The following ATP8A2 variants were observed in gnomAD, a reference collection of about 807,000 sequenced individuals.
The protein encoded by ATP8A2 is phospholipid-transporting ATPase IB.
ATP8A2 carries 100 observed loss-of-function variants against 165.6 expected under a neutral mutation model. The ratio of observed to expected loss-of-function variants is 0.60; its 90% CI spans 0.51 to 0.71. The LOEUF is 0.71. ATP8A2 is among the 30% of genes least tolerant of loss of function. ATP8A2 has a pLI of 0.00. For missense variants in ATP8A2, 1,227 were observed against 1,479.5 expected, an observed-to-expected ratio of 0.83 and a Z score of 2.80; for synonymous variants, 543 against 548.8, an observed-to-expected ratio of 0.99 and a Z score of 0.15.
chr13:25,732,823 G>A (rs904573813), intron 25 of ATP8A2, among the ~76,000 whole-genome samples: 3 of 152,020 alleles, frequency 2.0e-5, no homozygotes, highest in African/African-American at 2.4e-5. Flanking sequence ...CTGTATTATT[G>A]CTTTTTTTTT....
At chr13:25,740,035 C>T (rs541125600) in intron 25 of ATP8A2, among the ~76,000 whole-genome samples, 15 of 151,964 alleles carry the variant, frequency 9.9e-5, no homozygotes, top group Non-Finnish European at 2.1e-4. Flanking sequence ...GAGGGCTGGG[C>T]GCAGTGGCTC....
chr13:25,662,205 T>A (rs886637912), intron 24 of ATP8A2, among the ~76,000 whole-genome samples: 1 of 152,188 alleles, frequency 6.6e-6, no homozygotes, highest in Non-Finnish European at 1.5e-5. Flanking sequence ...ACATAGCATA[T>A]TGTAAGCGCT....
chr13:25,505,876 C>G (rs17082385), intron 2 of ATP8A2, among the ~76,000 whole-genome samples: 8,864 of 152,238 alleles, frequency 0.058, 324 homozygotes, highest in South Asian at 0.13. Flanking sequence ...GGCATTCTTT[C>G]TTGCTCTAGA....
intron 7 of ATP8A2, among the ~76,000 whole-genome samples, chr13:25,538,853 T>G (rs2038372473): frequency 6.6e-6 from 1 of 152,172 alleles, no homozygotes; most frequent in African/African-American, 2.4e-5. Flanking sequence ...ATTTTAAGCC[T>G]AAGCATTAAT....
intron 24 of ATP8A2, among the ~76,000 whole-genome samples, chr13:25,696,138 T>C (rs968209050): frequency 6.6e-6 from 1 of 152,212 alleles, no homozygotes; most frequent in Admixed American, 6.5e-5. Flanking sequence ...CAGTGCATTG[T>C]TAGTGAGCAG....
intron 25 of ATP8A2, among the ~76,000 whole-genome samples, chr13:25,767,465 C>T (rs1214974627): frequency 2.0e-5 from 3 of 152,136 alleles, no homozygotes; most frequent in African/African-American, 4.8e-5. Flanking sequence ...GTTGAAGAAC[C>T]TGAGAATATT....
At chr13:25,659,985 A>G (rs962433120) in intron 24 of ATP8A2, among the ~76,000 whole-genome samples, 1 of 152,224 alleles carries the variant, frequency 6.6e-6, no homozygotes, top group Non-Finnish European at 1.5e-5. Flanking sequence ...TTTTTAATGA[A>G]CTAGAACAAG....
At chr13:25,685,436 A>C (rs554417319) in intron 24 of ATP8A2, among the ~76,000 whole-genome samples, 16 of 152,326 alleles carry the variant, frequency 1.1e-4, no homozygotes, top group African/African-American at 3.8e-4. Context: ...TGGCCCCTGC[A>C]GCTGATTCTC....
chr13:25,825,497 A>G (rs1951291968), intron 27 of ATP8A2, among the ~76,000 whole-genome samples: 1 of 152,006 alleles, frequency 6.6e-6, no homozygotes, highest in Non-Finnish European at 1.5e-5. Context: ...TTTTTAGTTG[A>G]TAACAAGACA....
chr13:25,480,114 C>G (rs1374665006), intron 2 of ATP8A2, among the ~76,000 whole-genome samples: 16 of 148,170 alleles, frequency 1.1e-4, no homozygotes, highest in African/African-American at 4.0e-4. Context: ...GCTGGCCGGG[C>G]GGGGGGCTGA....
At chr13:25,842,002 C>A (rs1951755652) in intron 30 of ATP8A2, among the ~76,000 whole-genome samples, 1 of 152,134 alleles carries the variant, frequency 6.6e-6, no homozygotes, top group Non-Finnish European at 1.5e-5. Flanking sequence ...CACCTCCTAT[C>A]AGGCCACAGC....
chr13:25,539,769 T>C (rs1248734495), intron 7 of ATP8A2, among the ~76,000 whole-genome samples: 1 of 152,236 alleles, frequency 6.6e-6, no homozygotes, highest in Non-Finnish European at 1.5e-5. Flanking sequence ...CTGTTATGCT[T>C]ATTTTTATTT....
At chr13:25,564,053 G>A (rs895671040) in intron 16 of ATP8A2, 22 bp downstream of exon 16, 23 of 1,562,800 alleles carry the variant, frequency 1.5e-5, no homozygotes, top group African/African-American at 1.2e-4. Context: ...GTTTTACTTC[G>A]AAGACAGCAA....
intron 33 of ATP8A2, among the ~76,000 whole-genome samples, chr13:25,892,478 G>GTCTCTGTCTCTCTCTCTCTCTC (rs1555286138): frequency 2.2e-5 from 3 of 136,178 alleles, no homozygotes; most frequent in Admixed American, 7.4e-5. Context: ...CTGTCTCTCT[G>GTCTCTGTCTCTCTCTCTCTCTC]TCTCTCTCTC....
chr13:25,869,085 A>C (rs1295314196), intron 33 of ATP8A2, among the ~76,000 whole-genome samples: 3 of 151,930 alleles, frequency 2.0e-5, no homozygotes, highest in Non-Finnish European at 2.9e-5. Context: ...AAAAAAAAAA[A>C]AAAAAAAACC....
Position 25,519,670 on chromosome 13 carries a change from T to C in ATP8A2, c.222-10329T>C, listed in dbSNP as rs567027964. On this transcript the variant is annotated intron_variant, in intron 2 of 36. Transcript: ENST00000381655. ...GGTCACTTATCTCCAGCCCCCAAGC[T>C]CTAAGGTCTTGGGTTTCCATGCAGC... 3.3e-5 allele frequency among the ~76,000 whole-genome samples: 5 copies of C among 152,244 alleles called. No homozygotes were observed. In the South Asian group the frequency reaches 1.0e-3, roughly 32 times the overall value.
chr13:25,462,751 C>CTTTTTTTTTTTTTTTTTTTTTTTTTTTT (rs1486142210), intron 1 of ATP8A2, among the ~76,000 whole-genome samples: 1 of 152,094 alleles, frequency 6.6e-6, no homozygotes, highest in African/African-American at 2.4e-5. Flanking sequence ...GGACCCCATT[C>CTTTTTTTTTTTTTTTTTTTTTTTTTTTT]TTAAACCATC....
chr13:25,447,851 G>T (rs2035112180), intron 1 of ATP8A2, among the ~76,000 whole-genome samples: 1 of 152,188 alleles, frequency 6.6e-6, no homozygotes, highest in Non-Finnish European at 1.5e-5. Flanking sequence ...AGGGGATGGA[G>T]TGGGAAGATA....
At chr13:25,774,480 T>C (rs1279600911) in intron 26 of ATP8A2, among the ~76,000 whole-genome samples, 1 of 152,184 alleles carries the variant, frequency 6.6e-6, no homozygotes, top group East Asian at 1.9e-4. Context: ...GGTGACGGGT[T>C]GATAACTGCA....
Sources: gnomAD v4.1 joint callset for allele counts (sites outside exome capture counted in the v4.1 genomes callset) on GRCh38, gnomAD v4.1.1 for gene constraint, MANE v1.5 for transcripts, NCBI Gene and HGNC (gene_info 2026-07-23, HGNC 2026-07-21) for gene names.